VPS8: variants seen among roughly 807,000 people sequenced by gnomAD.
VPS8 encodes vacuolar protein sorting-associated protein 8 homolog.
VPS8 carries 129 observed loss-of-function variants against 216.4 expected under a neutral mutation model. The ratio of observed to expected loss-of-function variants is 0.60; its 90% CI spans 0.52 to 0.69. VPS8 has a LOEUF of 0.69. Among genes scored for constraint, VPS8 ranks in the 30% least tolerant of loss-of-function variants. The pLI is 0.00. For synonymous variants in VPS8, 571 were observed against 565.4 expected (o/e 1.01, Z -0.14); for missense variants, 1,531 against 1,683.5 (o/e 0.91, Z 1.59).
intron 16 of VPS8, 96 bp downstream of exon 16, chr3:184,863,163 A>C (rs2108740024): frequency 1.4e-6 from 2 of 1,447,526 alleles, no homozygotes; most frequent in Admixed American, 2.0e-5. Flanking sequence ...CTGGGGAGTT[A>C]CCTTTTTCTG....
chr3:184,874,171 T>G (rs1728836063), intron 21 of VPS8, among the ~76,000 whole-genome samples: 1 of 152,144 alleles, frequency 6.6e-6, no homozygotes. Flanking sequence ...ACAACCATGT[T>G]AAACTCATAT....
chr3:184,893,078 G>A (rs1008898224), intron 22 of VPS8, among the ~76,000 whole-genome samples: 1 of 152,252 alleles, frequency 6.6e-6, no homozygotes, highest in East Asian at 1.9e-4. Flanking sequence ...ATATGAAATG[G>A]AGGGGAAAAA....
intron 36 of VPS8, among the ~76,000 whole-genome samples, chr3:184,956,097 GTATCACA>G (rs1192801412): frequency 6.6e-6 from 1 of 152,106 alleles, no homozygotes; most frequent in African/African-American, 2.4e-5. Context: ...CCCACCTCTG[GTATCACA>G]AAGCTCTTAA....
intron 22 of VPS8, among the ~76,000 whole-genome samples, chr3:184,892,351 G>A (rs1732504165): frequency 6.6e-6 from 1 of 152,122 alleles, no homozygotes; most frequent in Admixed American, 6.5e-5. Flanking sequence ...TGAGTAGCCA[G>A]GATTACAGGC....
intron 16 of VPS8, among the ~76,000 whole-genome samples, chr3:184,865,987 TAA>T (rs34631606): frequency 2.1e-5 from 3 of 141,574 alleles, no homozygotes; most frequent in Non-Finnish European, 3.1e-5. Context: ...GACTCCATCT[TAA>T]AAAAAAAAAA....
chr3:184,898,219 C>T (rs1216770972), intron 23 of VPS8, among the ~76,000 whole-genome samples: 1 of 152,094 alleles, frequency 6.6e-6, no homozygotes, highest in Non-Finnish European at 1.5e-5. Flanking sequence ...TCTTATCTAA[C>T]ACTTTATTCC....
At chr3:184,921,161 T>C (rs1322509982) in intron 29 of VPS8, among the ~76,000 whole-genome samples, 3 of 152,218 alleles carry the variant, frequency 2.0e-5, no homozygotes, top group Non-Finnish European at 4.4e-5. Flanking sequence ...ATTGGTCATT[T>C]GGAATTGAGT....
At chr3:184,814,241 C>G (rs1715816506) in intron 1 of VPS8, among the ~76,000 whole-genome samples, 1 of 152,212 alleles carries the variant, frequency 6.6e-6, no homozygotes, top group Non-Finnish European at 1.5e-5. Flanking sequence ...CACTATATCA[C>G]TAAATCCAGT....
chr3:185,009,012 T>C (rs1044146510), intron 45 of VPS8, among the ~76,000 whole-genome samples: 1 of 152,236 alleles, frequency 6.6e-6, no homozygotes, highest in Admixed American at 6.5e-5. Flanking sequence ...TTAGGAAACA[T>C]TGAATGGTGA....
intron 15 of VPS8, among the ~76,000 whole-genome samples, chr3:184,860,877 A>G (rs1360614236): frequency 6.7e-6 from 1 of 148,714 alleles, no homozygotes; most frequent in Non-Finnish European, 1.5e-5. Flanking sequence ...GCTGGAGTGC[A>G]GTGGTGCGAT....
intron 7 of VPS8, among the ~76,000 whole-genome samples, chr3:184,842,225 TATC>T (rs1186836417): frequency 6.8e-6 from 1 of 147,118 alleles, no homozygotes; most frequent in Non-Finnish European, 1.5e-5. Flanking sequence ...TGTGACTGCT[TATC>T]ATCAAACTCA....
chr3:184,928,169 A>G (rs1578286453), intron 31 of VPS8, among the ~76,000 whole-genome samples: 1 of 152,234 alleles, frequency 6.6e-6, no homozygotes, highest in African/African-American at 2.4e-5. Context: ...TTAGCTTAGC[A>G]GAGAGTCAGC....
intron 25 of VPS8, among the ~76,000 whole-genome samples, chr3:184,903,427 A>C (rs1364179944): frequency 1.3e-5 from 2 of 152,092 alleles, no homozygotes; most frequent in Admixed American, 1.3e-4. Context: ...TGAATGTGGT[A>C]TGTTTTTCTA....
chr3:184,908,857 C>T (rs1430938980), intron 25 of VPS8, among the ~76,000 whole-genome samples: 1 of 152,202 alleles, frequency 6.6e-6, no homozygotes, highest in Non-Finnish European at 1.5e-5. Flanking sequence ...TCTGGGGCTA[C>T]TGTGGGCTCA....
chr3:185,000,701 T>C (rs1032592626), intron 45 of VPS8, among the ~76,000 whole-genome samples: 1 of 150,772 alleles, frequency 6.6e-6, no homozygotes, highest in Non-Finnish European at 1.5e-5. Context: ...CTCCGTCTCC[T>C]GGGTTCACGC....
chr3:185,037,292 G>A (rs906877184), intron 46 of VPS8, among the ~76,000 whole-genome samples: 2 of 151,984 alleles, frequency 1.3e-5, no homozygotes, highest in African/African-American at 4.8e-5. Flanking sequence ...TGAATATGTG[G>A]CCTCCATTGT....
intron 1 of VPS8, among the ~76,000 whole-genome samples, chr3:184,817,776 T>A (rs1476366695): frequency 6.6e-6 from 1 of 152,232 alleles, no homozygotes; most frequent in African/African-American, 2.4e-5. Context: ...TTTTCGAATG[T>A]CTACCTAGCT....
chr3:184,913,298 T>A (rs1736899205), intron 25 of VPS8, among the ~76,000 whole-genome samples: 1 of 152,206 alleles, frequency 6.6e-6, no homozygotes, highest in East Asian at 1.9e-4. Context: ...GATCTATTCC[T>A]TCTACATCTA....
Position 184,929,647 on chromosome 3 carries a change from C to T in VPS8, c.2782C>T (p.Arg928Cys), listed in dbSNP as rs757511968. Residue 928 changes from arginine to cysteine, a missense_variant, in exon 33 of 48, where the codon CGT becomes TGT. Transcript: ENST00000625842. ...TGATAAAATTATTGATTGCTACTTACGTGACCCTCTGCGAGAGGTGAGTCA... is the reference window on the plus strand; with the variant it reads ...TGATAAAATTATTGATTGCTACTTATGTGACCCTCTGCGAGAGGTGAGTCA... Reference protein sequence around the residue: ...QYDKIIDCYLRDPLREEEVFN... With the variant: ...QYDKIIDCYLCDPLREEEVFN... 19 of 1,521,582 alleles carry T rather than the reference C, an allele frequency of 1.2e-5. No individual in the cohort carries two copies. Among genetic ancestry groups the T allele is most frequent in the Middle Eastern group, 1.7e-4 (1 of 5,924 alleles). The allele number at this position is 1,521,582 out of a possible 1,614,324, so 94.3% of individuals were successfully genotyped here. A position where few individuals can be genotyped will look rare whatever the true frequency, so the allele number is the denominator to read the frequency against.
Sources: allele counts gnomAD v4.1 joint callset (sites outside exome capture counted in the v4.1 genomes callset), GRCh38; gene constraint gnomAD v4.1.1; transcripts MANE v1.5; gene names NCBI Gene and HGNC (gene_info 2026-07-23, HGNC 2026-07-21).